Variants in LZTFL1 observed in about 807,000 individuals in gnomAD.
LZTFL1 encodes leucine zipper transcription factor-like protein 1.
Under a neutral mutation model 45.9 loss-of-function variants are expected in LZTFL1, and 25 were observed. The observed-to-expected ratio is 0.54, with a 90% CI of 0.40 to 0.76. The LOEUF is 0.76. Ranked by LOEUF, LZTFL1 falls within the 30% of genes least tolerant of loss-of-function variation. The probability of loss-of-function intolerance (pLI) is 0.00; values close to 1 mark genes in which losing one functional copy is unlikely to be tolerated. For missense variants in LZTFL1, 277 were observed against 331.1 expected (o/e 0.84, Z 1.27); for synonymous variants, 93 against 117.4 (o/e 0.79, Z 1.35).
intron 4 of LZTFL1, among the ~76,000 whole-genome samples, chr3:45,851,808 A>C (rs1701314212): frequency 6.7e-6 from 1 of 149,592 alleles, no homozygotes; most frequent in Admixed American, 6.7e-5. Flanking sequence ...TGATCACACC[A>C]CTGCACTCCA....
At chr3:45,892,048 G>A (rs770897171) in intron 2 of LZTFL1, among the ~76,000 whole-genome samples, 2 of 152,098 alleles carry the variant, frequency 1.3e-5, no homozygotes, top group Non-Finnish European at 2.9e-5. Flanking sequence ...ATGTCTCCAA[G>A]GAGCCCTGGC....
chr3:45,844,525 A>G (rs1201904036), upstream of LZTFL1, among the ~76,000 whole-genome samples: 1 of 152,200 alleles, frequency 6.6e-6, no homozygotes, highest in Non-Finnish European at 1.5e-5. Flanking sequence ...AAAGTTTGAT[A>G]AATATTGAAC....
intron 2 of LZTFL1, among the ~76,000 whole-genome samples, chr3:45,872,897 G>A (rs1307990336): frequency 6.6e-6 from 1 of 152,228 alleles, no homozygotes; most frequent in Non-Finnish European, 1.5e-5. Flanking sequence ...CTAAAGGCAA[G>A]TGAGGCTGAA....
chr3:45,832,001 C>T (rs897214197), intron 5 of LZTFL1, among the ~76,000 whole-genome samples: 3 of 152,018 alleles, frequency 2.0e-5, no homozygotes, highest in South Asian at 2.1e-4. Flanking sequence ...TTTGGAAGGC[C>T]GAGGCGGGCG....
At chr3:45,879,751 G>A (rs894669244) in intron 2 of LZTFL1, among the ~76,000 whole-genome samples, 2 of 152,150 alleles carry the variant, frequency 1.3e-5, no homozygotes, top group Non-Finnish European at 1.5e-5. Context: ...CATGTGCTGC[G>A]GGAGCGGGTA....
chr3:45,897,716 G>A, intron 2 of LZTFL1: 1 of 941,876 alleles, frequency 1.1e-6, no homozygotes, highest in Non-Finnish European at 1.5e-6. Context: ...CGTCCCTTGT[G>A]CTTGTCCTTC....
intron 2 of LZTFL1, among the ~76,000 whole-genome samples, chr3:45,860,087 T>C (rs1449310336): frequency 6.6e-6 from 1 of 152,058 alleles, no homozygotes; most frequent in Non-Finnish European, 1.5e-5. Flanking sequence ...AATGTAGATT[T>C]TAAAATGTAT....
At chr3:45,857,509 T>G (rs572497846) in intron 3 of LZTFL1, among the ~76,000 whole-genome samples, 1 of 152,170 alleles carries the variant, frequency 6.6e-6, no homozygotes, top group Non-Finnish European at 1.5e-5. Flanking sequence ...CCCAGGACTT[T>G]GAATTAAATT....
At chr3:45,885,852 A>G (rs1377560810) in intron 2 of LZTFL1, among the ~76,000 whole-genome samples, 1 of 152,062 alleles carries the variant, frequency 6.6e-6, no homozygotes, top group Non-Finnish European at 1.5e-5. Flanking sequence ...ATCTGGGACT[A>G]CAGGCATGGG....
intron 2 of LZTFL1, among the ~76,000 whole-genome samples, chr3:45,861,631 T>C (rs183360293): frequency 6.6e-6 from 1 of 152,276 alleles, no homozygotes; most frequent in East Asian, 1.9e-4. Flanking sequence ...TCTGTGCATG[T>C]GTGTGTGTGT....
rs1266736165 is a variant in LZTFL1 at position 45,900,726 on chromosome 3, G to T, written c.-215+12394C>A. The T allele has an allele frequency of 1.3e-5, 18 of 1,410,678 alleles. No homozygotes were observed. The highest frequency in any genetic ancestry group is 1.7e-5 in the Non-Finnish European group (18 of 1,038,662). 87.4% of individuals were successfully genotyped at this position (1,410,678 alleles called of 1,614,324 possible). ...TATCATAGGTGTTTGGGGTTGGAAG[G>T]GTCAAGAGGTCCATGCCTCTGCCAT... On this transcript the variant is annotated intron_variant, in intron 2 of 4. Coordinates refer to the LZTFL1 transcript ENST00000472635. The surrounding 1 kb of genome is among the most constrained non-coding windows in gnomAD (Gnocchi z 4.7).
intron 2 of LZTFL1, chr3:45,895,224 A>G: frequency 1.9e-6 from 1 of 528,164 alleles, no homozygotes; most frequent in Non-Finnish European, 3.4e-6. Context: ...ACCATCTTTA[A>G]CTAGGGTGTG....
upstream of LZTFL1, among the ~76,000 whole-genome samples, chr3:45,844,236 C>T (rs1161714278): frequency 1.3e-5 from 2 of 152,138 alleles, no homozygotes; most frequent in African/African-American, 2.4e-5. Context: ...AACAGATTCA[C>T]TCATTCTGCC....
intron 3 of LZTFL1, 156 bp downstream of exon 3, chr3:45,835,434 C>T (rs1700940206): frequency 3.2e-6 from 2 of 633,100 alleles, no homozygotes; most frequent in Admixed American, 5.8e-5. Flanking sequence ...TTAGTGGTAC[C>T]CAAGAGATCA....
chr3:45,839,093 A>ATTT (rs1701038960), intron 1 of LZTFL1, among the ~76,000 whole-genome samples: 1 of 151,542 alleles, frequency 6.6e-6, no homozygotes, highest in Non-Finnish European at 1.5e-5. Flanking sequence ...ATAAATACAG[A>ATTT]TTCTTTTTTT....
chr3:45,913,074 C>A (rs1245265601), intron 2 of LZTFL1: 1 of 1,518,432 alleles, frequency 6.6e-7, no homozygotes, highest in Non-Finnish European at 8.8e-7. Context: ...GCTGTCTCAG[C>A]ATAACGCAGT....
At chr3:45,828,392 A>ATTAACAGACATG in intron 8 of LZTFL1, 47 bp downstream of exon 8, 2 of 1,550,496 alleles carry the variant, frequency 1.3e-6, no homozygotes, top group Non-Finnish European at 1.8e-6. Context: ...TACTGTGTGC[A>ATTAACAGACATG]TTAATCATGC....
chr3:45,892,263 A>T (rs7653195), intron 2 of LZTFL1, among the ~76,000 whole-genome samples: 2,002 of 152,330 alleles, frequency 0.013, 48 homozygotes, highest in African/African-American at 0.046. Context: ...GTGAACATGT[A>T]TGTTCATTCC....
intron 2 of LZTFL1, among the ~76,000 whole-genome samples, chr3:45,875,633 G>T (rs982498335): frequency 3.9e-4 from 59 of 152,078 alleles, no homozygotes; most frequent in African/African-American, 1.4e-3. Context: ...ACCATCCTAG[G>T]CAACATAGTG....
Sources: allele counts gnomAD v4.1 joint callset (sites outside exome capture counted in the v4.1 genomes callset), GRCh38; gene constraint gnomAD v4.1.1; non-coding constraint Gnocchi (gnomAD v3.1); transcripts MANE v1.5; gene names NCBI Gene and HGNC (gene_info 2026-07-23, HGNC 2026-07-21).